The following BORCS5 variants were observed in gnomAD, a reference collection of about 807,000 sequenced individuals.
BORCS5 encodes the protein BLOC-1 related complex subunit 5, also known as BLOC-1-related complex subunit 5.
BORCS5 carries 17 observed loss-of-function variants against 22.1 expected under a neutral mutation model. The ratio of observed to expected loss-of-function variants is 0.77; its 90% CI spans 0.53 to 1.15. The LOEUF (loss-of-function observed/expected upper bound fraction) is 1.15, where lower values mean the gene tolerates loss of function less well. BORCS5 is among the 50% of genes most tolerant of loss of function. The pLI, the probability that BORCS5 is intolerant of heterozygous loss-of-function variation, is 0.00. For missense variants in BORCS5, 247 were observed against 253.2 expected, an observed-to-expected ratio of 0.98 and a Z score of 0.17; for synonymous variants, 117 against 99.8, an observed-to-expected ratio of 1.17 and a Z score of -1.03.
chr12:12,391,370 G>A (rs1941178684), intron 2 of BORCS5, among the ~76,000 whole-genome samples: 1 of 146,024 alleles, frequency 6.8e-6, no homozygotes, highest in South Asian at 2.1e-4. Context: ...CACAATGGAT[G>A]ACAGAATCAA....
intron 3 of BORCS5, among the ~76,000 whole-genome samples, chr12:12,436,479 G>C (rs555979400): frequency 6.6e-6 from 1 of 152,204 alleles, no homozygotes; most frequent in African/African-American, 2.4e-5. Context: ...GAATAAGTAA[G>C]TACATTTTCC....
intron 2 of BORCS5, among the ~76,000 whole-genome samples, chr12:12,428,455 C>T (rs1942343264): frequency 6.6e-6 from 1 of 152,210 alleles, no homozygotes; most frequent in African/African-American, 2.4e-5. Context: ...TAAACAGGGT[C>T]TTAGGAAATA....
intron 2 of BORCS5, among the ~76,000 whole-genome samples, chr12:12,419,754 G>T (rs1942066188): frequency 6.6e-6 from 1 of 152,144 alleles, no homozygotes; most frequent in Non-Finnish European, 1.5e-5. Context: ...GCATGAGATG[G>T]TATCTCATTG....
At chr12:12,452,416 A>G (rs1416868340) in intron 3 of BORCS5, 3 of 555,554 alleles carry the variant, frequency 5.4e-6, no homozygotes, top group South Asian at 1.4e-5. Flanking sequence ...CCACAAATCC[A>G]TAGGGCTGGT....
chr12:12,448,157 T>C (rs1429988768), intron 3 of BORCS5, among the ~76,000 whole-genome samples: 1 of 152,220 alleles, frequency 6.6e-6, no homozygotes, highest in African/African-American at 2.4e-5. Flanking sequence ...TTCGAAACTC[T>C]AAAGCCGCGC....
chr12:12,438,360 C>CAAAAAAAAA (rs57737663), intron 3 of BORCS5, among the ~76,000 whole-genome samples: 50 of 23,800 alleles, frequency 2.1e-3, no homozygotes, highest in African/African-American at 5.6e-3. Flanking sequence ...GATTTCATCT[C>CAAAAAAAAA]AAAAAAAAAA....
chr12:12,448,407 G>A (rs1164714608), intron 3 of BORCS5, among the ~76,000 whole-genome samples: 1 of 151,908 alleles, frequency 6.6e-6, no homozygotes, highest in African/African-American at 2.4e-5. Flanking sequence ...GTAGAGATGA[G>A]TTTTAACAAT....
chr12:12,422,853 A>G (rs1438957408), intron 2 of BORCS5, among the ~76,000 whole-genome samples: 1 of 152,172 alleles, frequency 6.6e-6, no homozygotes, highest in East Asian at 1.9e-4. Flanking sequence ...TTACAATAAC[A>G]TTAGCTTTTA....
At chr12:12,400,280 C>T (rs1361796015) in intron 2 of BORCS5, among the ~76,000 whole-genome samples, 4 of 152,182 alleles carry the variant, frequency 2.6e-5, no homozygotes, top group Non-Finnish European at 4.4e-5. Flanking sequence ...GCCAATGTTT[C>T]ACGCTCTCTC....
intron 3 of BORCS5, chr12:12,452,177 A>T (rs1316483558): frequency 3.4e-6 from 2 of 583,368 alleles, no homozygotes; most frequent in East Asian, 4.4e-5. Flanking sequence ...TCTCAGGAAG[A>T]TTCACATTTT....
chr12:12,464,884 A>G (rs1402989975), intron 3 of BORCS5, among the ~76,000 whole-genome samples: 2 of 152,144 alleles, frequency 1.3e-5, no homozygotes, highest in African/African-American at 4.8e-5. Flanking sequence ...CCTCCCTTCC[A>G]TTGCAGTGTT....
chr12:12,402,873 G>A (rs573327596), intron 2 of BORCS5, among the ~76,000 whole-genome samples: 11 of 152,180 alleles, frequency 7.2e-5, no homozygotes, highest in African/African-American at 2.4e-4. Context: ...GCTTTATCAC[G>A]TCTTCATAGT....
chr12:12,451,560 A>C (rs1293487292), intron 3 of BORCS5, among the ~76,000 whole-genome samples: 3 of 152,016 alleles, frequency 2.0e-5, no homozygotes, highest in Non-Finnish European at 4.4e-5. Context: ...GGAACTACTC[A>C]ATTTCCTTAA....
At chr12:12,389,200 C>T (rs1281677100) in intron 2 of BORCS5, among the ~76,000 whole-genome samples, 4 of 134,328 alleles carry the variant, frequency 3.0e-5, no homozygotes, top group South Asian at 2.3e-4. Flanking sequence ...GGCAATGGTG[C>T]GATCTCGGCT....
chr12:12,387,519 C>T (rs1863908272), intron 2 of BORCS5, among the ~76,000 whole-genome samples: 1 of 151,456 alleles, frequency 6.6e-6, no homozygotes, highest in Admixed American at 6.6e-5. Context: ...TTATGTCACT[C>T]AGCCCTCTGA....
chr12:12,447,316 C>T (rs967650354), intron 3 of BORCS5, among the ~76,000 whole-genome samples: 3 of 152,214 alleles, frequency 2.0e-5, no homozygotes, highest in Non-Finnish European at 2.9e-5. Context: ...CATCAGCAAC[C>T]GCCAACATCC....
intron 2 of BORCS5, 95 bp from the exon 3 acceptor site, chr12:12,435,533 G>A (rs1244444497): frequency 1.0e-6 from 1 of 977,122 alleles, no homozygotes; most frequent in East Asian, 2.6e-5. Context: ...TTAAATTGAA[G>A]TCTTACCCTG....
At chr12:12,406,621 TCAAAAAAC>T (rs1941600671) in intron 2 of BORCS5, among the ~76,000 whole-genome samples, 3 of 136,420 alleles carry the variant, frequency 2.2e-5, no homozygotes, top group Non-Finnish European at 1.6e-5. Flanking sequence ...GCTGAAAATC[TCAAAAAAC>T]CAAAAAACAA....
At chr12:12,432,782 C>T (rs1325638942) in intron 2 of BORCS5, among the ~76,000 whole-genome samples, 1 of 152,122 alleles carries the variant, frequency 6.6e-6, no homozygotes, top group African/African-American at 2.4e-5. Context: ...ATCCTAAAAG[C>T]TTACATCATG....
Sources: gnomAD v4.1 joint callset for allele counts (sites outside exome capture counted in the v4.1 genomes callset) on GRCh38, gnomAD v4.1.1 for gene constraint, MANE v1.5 for transcripts, NCBI Gene and HGNC (gene_info 2026-07-23, HGNC 2026-07-21) for gene names.